Variants in NCKAP5 observed in about 807,000 individuals in gnomAD.
NCKAP5 encodes nck-associated protein 5.
NCKAP5 carries 92 observed loss-of-function variants against 167.0 expected under a neutral mutation model. The observed-to-expected ratio is 0.55, with a 90% CI of 0.47 to 0.66. The LOEUF (loss-of-function observed/expected upper bound fraction) is 0.66, where lower values mean the gene tolerates loss of function less well. Ranked by LOEUF, NCKAP5 falls within the 30% of genes least tolerant of loss-of-function variation. The probability of loss-of-function intolerance (pLI) is 0.00; values close to 1 mark genes in which losing one functional copy is unlikely to be tolerated. For synonymous variants in NCKAP5, 891 were observed against 877.4 expected (o/e 1.02, Z -0.27); for missense variants, 2,378 against 2,315.0 (o/e 1.03, Z -0.56).
In NCKAP5 at chr2:132,722,133, T is replaced by A. The variant is rs148812733; in HGVS notation, c.5713+3494A>T. On this transcript the variant is annotated intron_variant, in intron 19 of 19. Transcript: ENST00000409261. Reference sequence around the variant, plus strand: ...GCCACAACCTAATGCGGATTCTTGATTGCCTTGCGCAACTCATGTAGACAG... The same window carrying A: ...GCCACAACCTAATGCGGATTCTTGAATGCCTTGCGCAACTCATGTAGACAG... 1.6e-3 allele frequency among the ~76,000 whole-genome samples: 251 copies of A among 152,308 alleles called. 1 individual carries two copies. The highest frequency in any genetic ancestry group is 5.8e-3 in the African/African-American group (242 of 41,582).
chr2:132,789,925 C>A, intron 13 of NCKAP5, 98 bp downstream of exon 13: 1 of 1,202,098 alleles, frequency 8.3e-7, no homozygotes. Flanking sequence ...CAAATGGTGG[C>A]TTCCTTCTTA....
the NCKAP5 span, among the ~76,000 whole-genome samples, chr2:133,595,200 A>G: frequency 6.6e-6 from 1 of 152,128 alleles, no homozygotes; most frequent in African/African-American, 2.4e-5. Flanking sequence ...TGTTATGCGC[A>G]TTGATACCTT....
intron 16 of NCKAP5, among the ~76,000 whole-genome samples, chr2:132,752,159 T>C (rs938901517): frequency 2.0e-5 from 3 of 152,248 alleles, no homozygotes; most frequent in Non-Finnish European, 2.9e-5. Context: ...ATTTCTCTAA[T>C]AGGTACCCAT....
rs565535036 is a variant in NCKAP5, at chr2:132,842,025, T to A, written c.807+18467A>T. Among the ~76,000 whole-genome samples, 7 of 152,284 alleles carry A rather than the reference T, an allele frequency of 4.6e-5. No individual in the cohort carries two copies. The East Asian group carries it at 1.3e-3, about 29-fold the overall frequency. Reference sequence around the variant, plus strand: ...AGTTATGCTGGCTTAACCTTTTGTATGGTATGACATAATCTAAATAATATT... The same window carrying A: ...AGTTATGCTGGCTTAACCTTTTGTAAGGTATGACATAATCTAAATAATATT... On this transcript the variant is annotated intron_variant, in intron 11 of 19. Coordinates refer to ENST00000409261, the MANE Select transcript of NCKAP5 (RefSeq NM_207363.3).
At chr2:133,385,802 C>T (rs1330337582) in intron 3 of NCKAP5, among the ~76,000 whole-genome samples, 3 of 150,160 alleles carry the variant, frequency 2.0e-5, no homozygotes, top group Admixed American at 6.7e-5. Flanking sequence ...AGGAATTTAT[C>T]CATTTCTTCT....
At chr2:133,306,256 T>C (rs1680771368) in intron 3 of NCKAP5, among the ~76,000 whole-genome samples, 2 of 152,222 alleles carry the variant, frequency 1.3e-5, no homozygotes, top group Non-Finnish European at 2.9e-5. Flanking sequence ...AGGAGGTTAT[T>C]GTACAGAGAC....
chr2:133,612,601 A>C, the NCKAP5 span, among the ~76,000 whole-genome samples: 3 of 152,160 alleles, frequency 2.0e-5, no homozygotes, highest in African/African-American at 7.2e-5. Context: ...TATGGTGTTA[A>C]GTTCTTTTAT....
At chr2:133,381,905 C>T (rs1373199961) in intron 3 of NCKAP5, among the ~76,000 whole-genome samples, 1 of 152,180 alleles carries the variant, frequency 6.6e-6, no homozygotes, top group Non-Finnish European at 1.5e-5. Flanking sequence ...GGGAGCTCTG[C>T]GCTGAAGTTT....
At chr2:133,576,455 A>C in the NCKAP5 span, among the ~76,000 whole-genome samples, 1 of 152,224 alleles carries the variant, frequency 6.6e-6, no homozygotes, top group East Asian at 1.9e-4. Context: ...TTATTCATTC[A>C]CTGAGTCATT....
intron 2 of NCKAP5, chr2:133,556,714 C>T (rs1163374208): frequency 6.6e-6 from 1 of 152,148 alleles, no homozygotes; most frequent in African/African-American, 2.4e-5. Context: ...TTCAGTGAAG[C>T]CAAGTTTTAT....
At chr2:133,114,220 A>C (rs2082004295) in intron 6 of NCKAP5, among the ~76,000 whole-genome samples, 3 of 152,228 alleles carry the variant, frequency 2.0e-5, no homozygotes, top group Admixed American at 6.5e-5. Context: ...CTAAGATTGC[A>C]ACTAATAATC....
chr2:132,835,285 T>C (rs1200902897), intron 11 of NCKAP5, among the ~76,000 whole-genome samples: 1 of 152,164 alleles, frequency 6.6e-6, no homozygotes, highest in African/African-American at 2.4e-5. Flanking sequence ...TCTTTTTTTG[T>C]TGTTGTCTTC....
intron 11 of NCKAP5, among the ~76,000 whole-genome samples, chr2:132,832,784 T>C (rs952840988): frequency 2.0e-5 from 3 of 152,210 alleles, no homozygotes; most frequent in Admixed American, 2.0e-4. Context: ...GACACTTAGG[T>C]TGATTACTTA....
At chr2:132,928,917 T>G (rs919033306) in intron 8 of NCKAP5, among the ~76,000 whole-genome samples, 1 of 151,828 alleles carries the variant, frequency 6.6e-6, no homozygotes, top group Non-Finnish European at 1.5e-5. Flanking sequence ...GGCCAGGAGT[T>G]CAAGATCAGC....
the NCKAP5 span, among the ~76,000 whole-genome samples, chr2:133,636,021 G>T: frequency 1.3e-5 from 2 of 152,240 alleles, no homozygotes; most frequent in Non-Finnish European, 2.9e-5. Context: ...CTTATGAACA[G>T]TAGTGTGGTG....
chr2:133,606,937 G>C, the NCKAP5 span, among the ~76,000 whole-genome samples: 1 of 152,090 alleles, frequency 6.6e-6, no homozygotes, highest in Non-Finnish European at 1.5e-5. Flanking sequence ...AGCTCCACTG[G>C]TGTCCAGAAG....
chr2:133,616,921 G>T, the NCKAP5 span, among the ~76,000 whole-genome samples: 10 of 152,256 alleles, frequency 6.6e-5, no homozygotes, highest in Admixed American at 5.9e-4. Flanking sequence ...CTGGCAAACC[G>T]AATTCAGCAG....
chr2:132,875,933 T>G (rs890306689), intron 9 of NCKAP5, among the ~76,000 whole-genome samples: 1 of 151,860 alleles, frequency 6.6e-6, no homozygotes, highest in South Asian at 2.1e-4. Context: ...CCAGGGTGTA[T>G]GTGTGTGTGT....
At chr2:133,087,418 C>A (rs58072608) in intron 6 of NCKAP5, among the ~76,000 whole-genome samples, 4 of 152,304 alleles carry the variant, frequency 2.6e-5, no homozygotes, top group African/African-American at 9.6e-5. Flanking sequence ...GAGAAGTAAT[C>A]TCTGATGGAG....
Sources: gnomAD v4.1 joint callset for allele counts (sites outside exome capture counted in the v4.1 genomes callset) on GRCh38, gnomAD v4.1.1 for gene constraint, MANE v1.5 for transcripts, NCBI Gene and HGNC (gene_info 2026-07-23, HGNC 2026-07-21) for gene names.